ST18: variants seen among roughly 807,000 people sequenced by gnomAD.
ST18 encodes ST18 C2H2C-type zinc finger transcription factor.
A neutral mutation model predicts 110.0 loss-of-function variants in ST18; 50 were observed. The observed-to-expected ratio is 0.45, with a 90% confidence interval of 0.36 to 0.58. ST18 has a LOEUF of 0.58. Among genes scored for constraint, ST18 ranks in the 20% least tolerant of loss-of-function variants. The probability of loss-of-function intolerance (pLI) is 0.00; values close to 1 mark genes in which losing one functional copy is unlikely to be tolerated. For missense variants in ST18, 1,306 were observed against 1,280.1 expected (o/e 1.02, Z -0.31); for synonymous variants, 461 against 452.4 (o/e 1.02, Z -0.24).
intron 6 of ST18, among the ~76,000 whole-genome samples, chr8:52,214,936 A>G (rs1213564316): frequency 6.6e-6 from 1 of 152,216 alleles, no homozygotes; most frequent in Non-Finnish European, 1.5e-5. Context: ...TATCAAAGGG[A>G]TGCAAAGACT....
At chr8:52,383,860 G>A (rs1489860029) in intron 2 of ST18, among the ~76,000 whole-genome samples, 1 of 152,144 alleles carries the variant, frequency 6.6e-6, no homozygotes, top group Non-Finnish European at 1.5e-5. Context: ...GGATCCTCCT[G>A]CCTCAGCCTC....
At position 52,245,357 on chromosome 8, in the gene ST18, T is replaced by C. The variant is rs2093759380; in HGVS notation, c.-464-15280A>G. On this transcript the variant is annotated intron_variant, in intron 2 of 25. Coordinates refer to ENST00000689386, the MANE Select transcript of ST18 (RefSeq NM_001352837.2). ...CCTTTCAGTTTGCTTCTGCCTGTCA[T>C]TATAAGTAAGGGTAACTAAGTTTTA... 2.0e-5 allele frequency among the ~76,000 whole-genome samples: 3 copies of C among 152,150 alleles called. No homozygotes were observed. The South Asian group carries it at 6.2e-4, about 31-fold the overall frequency.
intron 2 of ST18, among the ~76,000 whole-genome samples, chr8:52,322,288 T>C (rs760709447): frequency 2.0e-5 from 3 of 152,208 alleles, no homozygotes; most frequent in Non-Finnish European, 4.4e-5. Flanking sequence ...TGTGAGATAG[T>C]CAAATACTTT....
chr8:52,319,508 G>A (rs1488783424), intron 2 of ST18, among the ~76,000 whole-genome samples: 1 of 151,718 alleles, frequency 6.6e-6, no homozygotes, highest in Non-Finnish European at 1.5e-5. Context: ...CTCTTTTTTA[G>A]TTTATCATTA....
At chr8:52,189,657 A>G (rs2134725269) in intron 8 of ST18, among the ~76,000 whole-genome samples, 1 of 152,240 alleles carries the variant, frequency 6.6e-6, no homozygotes, top group East Asian at 1.9e-4. Flanking sequence ...GTTTACTTGG[A>G]GAACAATTAC....
chr8:52,279,664 GT>G (rs1445277469), intron 2 of ST18, among the ~76,000 whole-genome samples: 1 of 152,122 alleles, frequency 6.6e-6, no homozygotes, highest in East Asian at 1.9e-4. Context: ...GGGAAATATA[GT>G]GAATTGGTAG....
intron 15 of ST18, chr8:52,154,796 A>C (rs1369665775): frequency 1.3e-5 from 2 of 148,610 alleles, no homozygotes; most frequent in Non-Finnish European, 1.5e-5. Flanking sequence ...GGAGAATCTC[A>C]CATGAGCCCA....
In ST18 at chr8:52,367,125, G is replaced by C. The variant is rs151288256; in HGVS notation, c.-465+42203C>G. On this transcript the variant is annotated intron_variant, in intron 2 of 25. Coordinates refer to ENST00000689386, the MANE Select transcript of ST18 (RefSeq NM_001352837.2). The stretch of plus-strand genomic sequence containing the variant: ...TGCATGCCGGTAATCCCAGCAGCTC[G>C]GGAGGCTGAGGCACCAGAATCGCTT... 6.6e-4 allele frequency among the ~76,000 whole-genome samples: 101 copies of C among 152,142 alleles called. No individual in the cohort carries two copies. In the East Asian group the frequency reaches 0.017, roughly 26 times the overall value.
chr8:52,251,376 T>C (rs1290297442), intron 2 of ST18, among the ~76,000 whole-genome samples: 1 of 152,122 alleles, frequency 6.6e-6, no homozygotes, highest in East Asian at 1.9e-4. Context: ...TAGATGTATA[T>C]ATATGAATAT....
chr8:52,175,462 G>T (rs966653074), intron 9 of ST18, among the ~76,000 whole-genome samples: 1 of 152,134 alleles, frequency 6.6e-6, no homozygotes, highest in Non-Finnish European at 1.5e-5. Flanking sequence ...CACGATATGC[G>T]ATGTGGAGGA....
intron 10 of ST18, among the ~76,000 whole-genome samples, chr8:52,170,993 C>T (rs569846187): frequency 2.0e-5 from 3 of 152,168 alleles, no homozygotes; most frequent in African/African-American, 4.8e-5. Flanking sequence ...TTGTGGCTCT[C>T]GGGTTTCAGA....
intron 23 of ST18, among the ~76,000 whole-genome samples, chr8:52,122,283 T>C (rs1563511412): frequency 6.6e-6 from 1 of 152,116 alleles, no homozygotes; most frequent in African/African-American, 2.4e-5. Context: ...ATTTGCATAT[T>C]TGGGGATTAT....
chr8:52,147,011 C>T (rs559704165), intron 16 of ST18, among the ~76,000 whole-genome samples: 1 of 152,186 alleles, frequency 6.6e-6, no homozygotes, highest in Non-Finnish European at 1.5e-5. Flanking sequence ...CTTAGCATCT[C>T]CAAAGTCCTC....
At chr8:52,170,828 G>C (rs2064681857) in intron 10 of ST18, among the ~76,000 whole-genome samples, 1 of 152,168 alleles carries the variant, frequency 6.6e-6, no homozygotes, top group Non-Finnish European at 1.5e-5. Context: ...AAGATTGCAG[G>C]TGAGTGCTAA....
chr8:52,293,994 G>A (rs147468803), intron 2 of ST18, among the ~76,000 whole-genome samples: 4 of 152,270 alleles, frequency 2.6e-5, no homozygotes, highest in East Asian at 3.9e-4. Context: ...CCCATAGCCC[G>A]CTTTTCCATA....
intron 8 of ST18, among the ~76,000 whole-genome samples, chr8:52,195,357 G>A (rs984877622): frequency 6.6e-6 from 1 of 151,914 alleles, no homozygotes; most frequent in Non-Finnish European, 1.5e-5. Context: ...TTTAATTTGA[G>A]TAATACTTCA....
chr8:52,148,901 T>C (rs953919849), intron 16 of ST18, among the ~76,000 whole-genome samples: 1 of 152,214 alleles, frequency 6.6e-6, no homozygotes, highest in African/African-American at 2.4e-5. Flanking sequence ...CTGCAGAGAA[T>C]GGCTATTTCA....
intron 19 of ST18, among the ~76,000 whole-genome samples, chr8:52,134,224 G>T (rs2051033775): frequency 6.6e-6 from 1 of 152,152 alleles, no homozygotes; most frequent in African/African-American, 2.4e-5. Flanking sequence ...GTCTTTGGGG[G>T]AAAATCCATC....
At chr8:52,152,918 A>G (rs1308955973) in intron 15 of ST18, among the ~76,000 whole-genome samples, 1 of 152,234 alleles carries the variant, frequency 6.6e-6, no homozygotes, top group Non-Finnish European at 1.5e-5. Context: ...TCTACATGGA[A>G]AATACTTGTA....
Sources: allele counts gnomAD v4.1 joint callset (sites outside exome capture counted in the v4.1 genomes callset), GRCh38; gene constraint gnomAD v4.1.1; transcripts MANE v1.5; gene names NCBI Gene and HGNC (gene_info 2026-07-23, HGNC 2026-07-21).